IL17B: variants seen among roughly 807,000 people sequenced by gnomAD.
The protein encoded by IL17B is interleukin-17B.
Under a neutral mutation model 14.7 loss-of-function variants are expected in IL17B, and 14 were observed. That is an observed-to-expected ratio of 0.95 (90% CI 0.63 to 1.49). The LOEUF (loss-of-function observed/expected upper bound fraction) is 1.49. Among genes scored for constraint, IL17B ranks in the 40% most tolerant of loss-of-function variants. IL17B has a pLI of 0.00. For missense variants in IL17B, 233 were observed against 252.8 expected (o/e 0.92, Z 0.53); for synonymous variants, 105 against 94.8 (o/e 1.11, Z -0.62).
In IL17B at chr5:149,376,882, C is replaced by T. The variant is rs376026730; in HGVS notation, c.165G>A (p.Pro55=). Residue 55 remains proline (P), a synonymous_variant, in exon 2 of 3, where the codon CCG becomes CCA. Transcript: ENST00000261796. ...VPLDLVSRMK[P]YARMEEYERN... is the part of the protein sequence containing the mutation. ...TCTCATACTCCTCCATGCGGGCATA[C>T]GGTTTCATCCGTGACACCAGGTCCA... 149 of 1,614,170 alleles carry T rather than the reference C, an allele frequency of 9.2e-5. No homozygotes were observed. The Admixed American group carries it at 1.0e-3, about 11-fold the overall frequency.
intron 1 of IL17B, among the ~76,000 whole-genome samples, chr5:149,394,293 T>C (rs1327228935): frequency 4.6e-5 from 7 of 152,202 alleles, no homozygotes; most frequent in Admixed American, 4.6e-4. Context: ...ACTGCGGCCA[T>C]CTGAAATACC....
rs765846260 is a variant in IL17B, at chr5:149,374,639, C to T, written c.312-39G>A. 4.6e-6 allele frequency: 7 copies of T among 1,535,006 alleles called. No individual in the cohort carries two copies. In the South Asian group the frequency reaches 6.9e-5, roughly 15 times the overall value. ...AAGAAAGAGCAGAGCGGAAGGTGAT[C>T]AGGAAAGGGCCAGTCAGCACCCATA... On this transcript the variant is annotated intron_variant, in intron 2 of 2. Transcript: ENST00000261796. The surrounding 1 kb of genome is among the most constrained non-coding windows in gnomAD (Gnocchi z 5.0).
intron 2 of IL17B, among the ~76,000 whole-genome samples, chr5:149,375,580 C>T (rs1470591071): frequency 2.0e-5 from 3 of 152,332 alleles, no homozygotes; most frequent in South Asian, 4.1e-4. Flanking sequence ...GCAGTAGCCA[C>T]TAGCTTCATG....
chr5:149,388,350 A>G (rs752392823), intron 1 of IL17B, among the ~76,000 whole-genome samples: 1 of 152,150 alleles, frequency 6.6e-6, no homozygotes, highest in African/African-American at 2.4e-5. Flanking sequence ...CATTATCTCA[A>G]CCACAGAGCT....
At chr5:149,379,363 C>T (rs117881363), upstream of IL17B, 1,706 of 992,590 alleles carry the variant, frequency 1.7e-3, 31 homozygotes, top group East Asian at 0.039. Context: ...TGGGTGGGCT[C>T]GTCATCAGCT....
At chr5:149,389,261 T>G (rs1481497160) in intron 1 of IL17B, among the ~76,000 whole-genome samples, 1 of 152,266 alleles carries the variant, frequency 6.6e-6, no homozygotes, top group African/African-American at 2.4e-5. Flanking sequence ...AAAAGGTCTA[T>G]GTGTCTTGCT....
intron 1 of IL17B, among the ~76,000 whole-genome samples, chr5:149,401,103 C>T (rs1367947493): frequency 6.6e-6 from 1 of 152,240 alleles, no homozygotes; most frequent in Non-Finnish European, 1.5e-5. Flanking sequence ...ACCATCACAT[C>T]ACTTCTGATG....
chr5:149,402,741 T>C (rs113500216), intron 1 of IL17B, among the ~76,000 whole-genome samples: 8,546 of 150,442 alleles, frequency 0.057, 613 homozygotes, highest in African/African-American at 0.17. Flanking sequence ...CGGTGGCTCA[T>C]GCCTGTAATC....
rs2227453 is a variant in IL17B, at chr5:149,377,517, G to A, written c.22-492C>T. ...ACACACTGTCATATCTCCCGTGTCTGCGTGATGCATTCAGTGAACACTCAC... is the reference window on the plus strand; with the variant it reads ...ACACACTGTCATATCTCCCGTGTCTACGTGATGCATTCAGTGAACACTCAC... On this transcript the variant is annotated intron_variant, in intron 1 of 2. Coordinates refer to ENST00000261796, the MANE Select transcript of IL17B (RefSeq NM_014443.3). Among the ~76,000 whole-genome samples, 742 of 152,354 alleles carry A rather than the reference G, an allele frequency of 4.9e-3. 5 individuals are homozygous for A. Among genetic ancestry groups the A allele is most frequent in the African/African-American group, 0.017 (702 of 41,572 alleles).
At chr5:149,390,897 T>C (rs1307582498) in intron 1 of IL17B, among the ~76,000 whole-genome samples, 1 of 152,144 alleles carries the variant, frequency 6.6e-6, no homozygotes, top group African/African-American at 2.4e-5. Flanking sequence ...CTGTTATTTA[T>C]TGTTAGGAGT....
At chr5:149,393,109 C>T (rs1196378532) in intron 1 of IL17B, among the ~76,000 whole-genome samples, 1 of 152,080 alleles carries the variant, frequency 6.6e-6, no homozygotes, top group Admixed American at 6.6e-5. Flanking sequence ...CAGCAAGTTA[C>T]CTAACCCGTT....
chr5:149,383,751 G>C (rs971891764), upstream of IL17B, among the ~76,000 whole-genome samples: 3 of 152,244 alleles, frequency 2.0e-5, no homozygotes, highest in African/African-American at 7.2e-5. Context: ...GGCGGCCTCT[G>C]GGGTGTGCAG....
intron 1 of IL17B, among the ~76,000 whole-genome samples, chr5:149,400,589 G>A (rs1759185814): frequency 6.6e-6 from 1 of 152,166 alleles, no homozygotes; most frequent in African/African-American, 2.4e-5. Context: ...CATGACAGTG[G>A]AGCTCCCCCT....
chr5:149,387,295 T>C (rs1295762558), intron 1 of IL17B, among the ~76,000 whole-genome samples: 1 of 152,246 alleles, frequency 6.6e-6, no homozygotes, highest in Non-Finnish European at 1.5e-5. Context: ...GTGTGGAATC[T>C]GACCATTTCC....
intron 1 of IL17B, among the ~76,000 whole-genome samples, chr5:149,387,606 CA>C (rs925742943): frequency 6.6e-6 from 1 of 150,770 alleles, no homozygotes; most frequent in Non-Finnish European, 1.5e-5. Context: ...CTCGTCTCTA[CA>C]AAAAAATAAT....
At position 149,374,663 on chromosome 5, in the gene IL17B, T is replaced by C; in HGVS notation, c.312-63A>G. ...TCAGGAAAGGGCCAGTCAGCACCCA[T>C]ACTCCACACCCCTGCCTTTCCTAAT... is the stretch of plus-strand genomic sequence containing the variant. On this transcript the variant is annotated intron_variant, in intron 2 of 2. Transcript: ENST00000261796. The surrounding 1 kb of genome is among the most constrained non-coding windows in gnomAD (Gnocchi z 5.0). The C allele has an allele frequency of 2.4e-6, 3 of 1,264,388 alleles. No individual in the cohort carries two copies. In the East Asian group the frequency reaches 7.2e-5, roughly 30 times the overall value. The allele number at this position is 1,264,388 out of a possible 1,614,324, so 78.3% of individuals were successfully genotyped here. A position where few individuals can be genotyped will look rare whatever the true frequency, so the allele number is the denominator to read the frequency against.
chr5:149,379,132 A>C (rs353271), intron 1 of IL17B, 73 bp downstream of exon 1: 230,454 of 1,573,592 alleles, frequency 0.15, 18,351 homozygotes, highest in Non-Finnish European at 0.17. Context: ...AGCCATTAAT[A>C]AATAGGAAAG....
intron 2 of IL17B, among the ~76,000 whole-genome samples, chr5:149,375,651 C>T (rs1479009035): frequency 2.0e-5 from 3 of 152,104 alleles, no homozygotes; most frequent in African/African-American, 7.2e-5. Flanking sequence ...CTTTGCGAGG[C>T]CAAGGCAGGT....
At chr5:149,377,073 C>T in intron 1 of IL17B, 48 bp from the exon 2 acceptor site, 2 of 1,481,398 alleles carry the variant, frequency 1.4e-6, no homozygotes, top group African/African-American at 2.8e-5. Context: ...AAGTCTCTAT[C>T]TGGGCCAAGA....
Sources: allele counts gnomAD v4.1 joint callset (sites outside exome capture counted in the v4.1 genomes callset), GRCh38; gene constraint gnomAD v4.1.1; non-coding constraint Gnocchi (gnomAD v3.1); transcripts MANE v1.5; gene names NCBI Gene and HGNC (gene_info 2026-07-23, HGNC 2026-07-21).